Variants in AIG1 observed in about 807,000 individuals in gnomAD.
AIG1 encodes androgen induced 1.
In AIG1, 23 loss-of-function variants were observed where a neutral mutation model predicts 31.4. The ratio of observed to expected loss-of-function variants is 0.73; its 90% CI spans 0.53 to 1.04. The LOEUF is 1.04. AIG1 is among the 50% of genes least tolerant of loss of function. The pLI, the probability that AIG1 is intolerant of heterozygous loss-of-function variation, is 0.00. For missense variants in AIG1, 274 were observed against 295.0 expected (o/e 0.93, Z 0.52); for synonymous variants, 100 against 110.5 (o/e 0.90, Z 0.60).
chr6:143,155,393 G>C (rs534139949), intron 2 of AIG1, among the ~76,000 whole-genome samples: 2 of 152,222 alleles, frequency 1.3e-5, no homozygotes, highest in South Asian at 2.1e-4. Flanking sequence ...TCTTCTTGTG[G>C]GGGGGATATC....
At chr6:143,206,020 T>C (rs1323331759) in intron 3 of AIG1, among the ~76,000 whole-genome samples, 3 of 152,224 alleles carry the variant, frequency 2.0e-5, no homozygotes, top group Non-Finnish European at 4.4e-5. Flanking sequence ...TCTGTGTTTT[T>C]AAATGACCAA....
chr6:143,227,019 A>G (rs1035558864), intron 3 of AIG1, among the ~76,000 whole-genome samples: 7 of 118,638 alleles, frequency 5.9e-5, no homozygotes, highest in Non-Finnish European at 8.4e-5. Flanking sequence ...TTCATCAGCT[A>G]TCGTTAGTGT....
intron 1 of AIG1, among the ~76,000 whole-genome samples, chr6:143,101,730 A>G (rs1054407479): frequency 6.6e-6 from 1 of 152,184 alleles, no homozygotes; most frequent in Non-Finnish European, 1.5e-5. Context: ...TTATGGGTGC[A>G]CCAAAATCTC....
intron 3 of AIG1, among the ~76,000 whole-genome samples, chr6:143,278,062 C>T (rs1345788840): frequency 6.6e-6 from 1 of 152,180 alleles, no homozygotes. Flanking sequence ...TCATTCATTG[C>T]CATCACAAAT....
Position 143,340,725 on chromosome 6 carries a change from G to T in AIG1, c.*1049G>T, listed in dbSNP as rs1777825253. ...GATCCACACGCCTCGGCCTCCCAAA[G>T]TGCTGGGATTACAGACATGAACCAC... On this transcript the variant is annotated 3_prime_UTR_variant, in exon 6 of 6. Coordinates refer to ENST00000357847, the MANE Select transcript of AIG1 (RefSeq NM_016108.4). Among the ~76,000 whole-genome samples, 1 of 152,096 alleles carries T rather than the reference G, an allele frequency of 6.6e-6. No individual in the cohort carries two copies. Among genetic ancestry groups the T allele is most frequent in the South Asian group, 2.1e-4 (1 of 4,824 alleles).
chr6:143,079,329 A>G (rs1376865848), intron 1 of AIG1, among the ~76,000 whole-genome samples: 1 of 152,158 alleles, frequency 6.6e-6, no homozygotes, highest in Non-Finnish European at 1.5e-5. Flanking sequence ...TTTTGCTGTC[A>G]GTGTTTGCTT....
intron 3 of AIG1, among the ~76,000 whole-genome samples, chr6:143,175,065 A>T (rs1788015141): frequency 6.6e-6 from 1 of 152,204 alleles, no homozygotes; most frequent in African/African-American, 2.4e-5. Context: ...TTCATTTATG[A>T]AGCTTAGTTT....
Position 143,339,730 on chromosome 6 carries a change from C to A in AIG1, c.*54C>A. 9.4e-6 allele frequency: 15 copies of A among 1,590,720 alleles called. No homozygotes were observed. The highest frequency in any genetic ancestry group is 1.3e-5 in the Non-Finnish European group (15 of 1,164,426). On this transcript the variant is annotated 3_prime_UTR_variant, in exon 6 of 6. Coordinates refer to ENST00000357847, the MANE Select transcript of AIG1 (RefSeq NM_016108.4). ...TGAGCCGCCATTGAAGACTCCTTCCCCTCGGGCATTGGCAGTGGGGGAGAA... is the reference window on the plus strand; with the variant it reads ...TGAGCCGCCATTGAAGACTCCTTCCACTCGGGCATTGGCAGTGGGGGAGAA...
At chr6:143,095,942 C>G (rs1389759089) in intron 1 of AIG1, among the ~76,000 whole-genome samples, 1 of 125,266 alleles carries the variant, frequency 8.0e-6, no homozygotes. Context: ...GAGTCTCACT[C>G]TGTCACCAGG....
rs1797570537 is a variant in AIG1 at position 143,284,648 on chromosome 6, T to A, written c.515+423T>A. ...GACTTAAAACTTACTAGGAAACAAG[T>A]GAAAATGTATGTTTTCCCTGGTCCA... On this transcript the variant is annotated intron_variant, in intron 4 of 5. Coordinates refer to ENST00000357847, the MANE Select transcript of AIG1 (RefSeq NM_016108.4). The surrounding 1 kb of genome is among the most constrained non-coding windows in gnomAD (Gnocchi z 4.4). Among the ~76,000 whole-genome samples the A allele has an allele frequency of 6.6e-6, 1 of 152,132 alleles. No homozygotes were observed. The highest frequency in any genetic ancestry group is 2.1e-4 in the South Asian group (1 of 4,832).
At chr6:143,204,276 G>A (rs1790929790) in intron 3 of AIG1, among the ~76,000 whole-genome samples, 1 of 152,176 alleles carries the variant, frequency 6.6e-6, no homozygotes, top group Non-Finnish European at 1.5e-5. Context: ...TGACTCTGTG[G>A]TCTTTGGCTG....
At chr6:143,196,326 C>T (rs913068926) in intron 3 of AIG1, among the ~76,000 whole-genome samples, 1 of 148,548 alleles carries the variant, frequency 6.7e-6, no homozygotes, top group South Asian at 2.1e-4. Flanking sequence ...TCTCATTTGT[C>T]AGCACATCAA....
intron 4 of AIG1, among the ~76,000 whole-genome samples, chr6:143,295,887 A>G (rs1714111470): frequency 1.3e-5 from 2 of 152,194 alleles, no homozygotes; most frequent in African/African-American, 4.8e-5. Flanking sequence ...AAGAAAATAA[A>G]GAGGGCTTCC....
chr6:143,154,381 A>G (rs1785523633), intron 2 of AIG1, among the ~76,000 whole-genome samples: 2 of 152,186 alleles, frequency 1.3e-5, no homozygotes, highest in African/African-American at 4.8e-5. Flanking sequence ...AATAGTCTCA[A>G]AATGATGAAA....
At chr6:143,320,174 C>A (rs2128714427) in intron 4 of AIG1, among the ~76,000 whole-genome samples, 1 of 152,178 alleles carries the variant, frequency 6.6e-6, no homozygotes, top group African/African-American at 2.4e-5. Flanking sequence ...TAAGATATCA[C>A]CTCACACCAG....
intron 1 of AIG1, among the ~76,000 whole-genome samples, chr6:143,114,804 A>C (rs868387281): frequency 6.6e-6 from 1 of 152,138 alleles, no homozygotes; most frequent in Non-Finnish European, 1.5e-5. Context: ...TGTTTTAATA[A>C]ATTTGAGGTT....
intron 3 of AIG1, among the ~76,000 whole-genome samples, chr6:143,242,693 A>T (rs1238417962): frequency 6.6e-6 from 1 of 152,264 alleles, no homozygotes; most frequent in Non-Finnish European, 1.5e-5. Flanking sequence ...ATGCCCAAGA[A>T]GTCTCAGAAA....
intron 4 of AIG1, among the ~76,000 whole-genome samples, chr6:143,320,809 T>A (rs1012915684): frequency 6.8e-6 from 1 of 146,840 alleles, no homozygotes; most frequent in African/African-American, 2.5e-5. Flanking sequence ...TAAAACTTGT[T>A]AAGCGAGTAG....
intron 1 of AIG1, among the ~76,000 whole-genome samples, chr6:143,088,494 G>A (rs571333593): frequency 6.6e-6 from 1 of 152,304 alleles, no homozygotes; most frequent in Non-Finnish European, 1.5e-5. Context: ...TTACAATTGA[G>A]GGCAGGATGT....
Sources: gnomAD v4.1 joint callset for allele counts (sites outside exome capture counted in the v4.1 genomes callset) on GRCh38, gnomAD v4.1.1 for gene constraint, Gnocchi (gnomAD v3.1) non-coding constraint, MANE v1.5 for transcripts, NCBI Gene and HGNC (gene_info 2026-07-23, HGNC 2026-07-21) for gene names.